CACNA1E: variants seen among roughly 807,000 people sequenced by gnomAD.
The protein encoded by CACNA1E is voltage-dependent R-type calcium channel subunit alpha-1E.
A neutral mutation model predicts 259.2 loss-of-function variants in CACNA1E; 40 were observed. That is an observed-to-expected ratio of 0.15 (90% confidence interval 0.12 to 0.20). The LOEUF is 0.20. Among genes scored for constraint, CACNA1E ranks in the 10% least tolerant of loss-of-function variants. The probability of loss-of-function intolerance (pLI) is 1.00; values close to 1 mark genes in which losing one functional copy is unlikely to be tolerated. For missense variants in CACNA1E, 1,874 were observed against 3,040.1 expected, an observed-to-expected ratio of 0.62 and a Z score of 9.02; for synonymous variants, 1,104 against 1,138.5, an observed-to-expected ratio of 0.97 and a Z score of 0.61.
At chr1:181,479,888 C>T (rs181589542), upstream of CACNA1E, among the ~76,000 whole-genome samples, 3 of 152,158 alleles carry the variant, frequency 2.0e-5, no homozygotes, top group East Asian at 1.9e-4. Context: ...TGTCAAGGGT[C>T]GTGATACATG....
At chr1:181,513,972 T>G (rs1666358079) in intron 3 of CACNA1E, among the ~76,000 whole-genome samples, 2 of 152,182 alleles carry the variant, frequency 1.3e-5, no homozygotes. Flanking sequence ...CTCCTGCTCC[T>G]CCTCCAGACC....
At position 181,720,998 on chromosome 1, in the gene CACNA1E, G is replaced by A. The variant is rs541825990; in HGVS notation, c.1956+143G>A. ...ATTGAGGCACTCTTTCTAGTTGAGCGGTCATTACTACAATAATCCCTAGAA... is the reference window on the plus strand; with the variant it reads ...ATTGAGGCACTCTTTCTAGTTGAGCAGTCATTACTACAATAATCCCTAGAA... On this transcript the variant is annotated intron_variant, in intron 15 of 47. Transcript: ENST00000367573. The A allele has an allele frequency of 2.0e-4, 128 of 631,624 alleles. 1 individual carries two copies. Among genetic ancestry groups the A allele is most frequent in the African/African-American group, 1.7e-3 (91 of 54,330 alleles). 39.1% of individuals were successfully genotyped at this position (631,624 alleles called of 1,614,324 possible). A position where few individuals can be genotyped will look rare whatever the true frequency, so the allele number is the denominator to read the frequency against.
intron 3 of CACNA1E, among the ~76,000 whole-genome samples, chr1:181,555,864 G>C (rs542628967): frequency 2.0e-5 from 3 of 152,342 alleles, no homozygotes; most frequent in African/African-American, 7.2e-5. Flanking sequence ...CTGCTAGTCT[G>C]AAAGGCATGC....
intron 6 of CACNA1E, among the ~76,000 whole-genome samples, chr1:181,609,010 C>T (rs1654493402): frequency 6.6e-6 from 1 of 152,186 alleles, no homozygotes; most frequent in African/African-American, 2.4e-5. Flanking sequence ...TGGCCACACC[C>T]AGAGCTGGGC....
intron 1 of CACNA1E, among the ~76,000 whole-genome samples, chr1:181,360,624 A>C (rs1463953461): frequency 6.6e-6 from 1 of 152,150 alleles, no homozygotes; most frequent in Non-Finnish European, 1.5e-5. Context: ...GCTTTCTTTT[A>C]GAGGGTGAGG....
At chr1:181,383,685 C>T (rs190192268) in intron 1 of CACNA1E, among the ~76,000 whole-genome samples, 1 of 152,344 alleles carries the variant, frequency 6.6e-6, no homozygotes, top group East Asian at 1.9e-4. Context: ...CTAGAATATA[C>T]TGTGGCAGAA....
chr1:181,644,812 AT>A lies in CACNA1E; in HGVS notation c.952-6524del, dbSNP rs1203975888. Among the ~76,000 whole-genome samples the A allele has an allele frequency of 5.3e-5, 8 of 152,278 alleles. No homozygotes were observed. In the South Asian group the frequency reaches 1.2e-3, roughly 24 times the overall value. ...CCAAAGTGTGAATTCCACCACAGCAATTGTCTTACCCAGTGGCAAAAGGGCC... is the reference window on the plus strand; with the variant it reads ...CCAAAGTGTGAATTCCACCACAGCAATGTCTTACCCAGTGGCAAAAGGGCC... On this transcript the variant is annotated intron_variant, in intron 6 of 47. Transcript: ENST00000367573.
chr1:181,524,596 T>G (rs893795485), intron 3 of CACNA1E, among the ~76,000 whole-genome samples: 1 of 152,226 alleles, frequency 6.6e-6, no homozygotes, highest in African/African-American at 2.4e-5. Flanking sequence ...CTCCACTTGG[T>G]GAGGTAGAGA....
At chr1:181,703,539 A>T (rs1281217467) in intron 7 of CACNA1E, among the ~76,000 whole-genome samples, 1 of 152,200 alleles carries the variant, frequency 6.6e-6, no homozygotes, top group East Asian at 1.9e-4. Flanking sequence ...TATCTCCCTT[A>T]CATTAATTGT....
intron 3 of CACNA1E, among the ~76,000 whole-genome samples, chr1:181,564,700 A>G (rs1649648048): frequency 6.6e-6 from 1 of 152,174 alleles, no homozygotes; most frequent in Non-Finnish European, 1.5e-5. Context: ...AGGAATCATG[A>G]TCTATGGCAG....
intron 1 of CACNA1E, among the ~76,000 whole-genome samples, chr1:181,365,156 T>C (rs1329194312): frequency 6.6e-6 from 1 of 152,124 alleles, no homozygotes; most frequent in African/African-American, 2.4e-5. Context: ...AGGATGGCAA[T>C]CCTAGCTTTT....
chr1:181,569,427 C>A (rs1650183178), intron 3 of CACNA1E, among the ~76,000 whole-genome samples: 1 of 150,526 alleles, frequency 6.6e-6, no homozygotes, highest in African/African-American at 2.5e-5. Context: ...GATATATTTC[C>A]TTGGTCAAGT....
chr1:181,727,140 A>G (rs1016601905), intron 18 of CACNA1E, among the ~76,000 whole-genome samples: 5 of 152,168 alleles, frequency 3.3e-5, no homozygotes, highest in African/African-American at 9.7e-5. Context: ...CAGAATTAAA[A>G]CAATGATTGG....
intron 47 of CACNA1E, among the ~76,000 whole-genome samples, chr1:181,797,500 C>T (rs1339562907): frequency 1.3e-5 from 2 of 152,212 alleles, no homozygotes; most frequent in Non-Finnish European, 2.9e-5. Context: ...TTTAGAGACA[C>T]AGCAGTCGAG....
intron 7 of CACNA1E, among the ~76,000 whole-genome samples, chr1:181,694,739 A>G (rs541468175): frequency 1.3e-4 from 20 of 152,296 alleles, no homozygotes; most frequent in African/African-American, 4.8e-4. Flanking sequence ...ATAGCTTGGG[A>G]CAGGCATCTA....
At chr1:181,754,125 G>A (rs981797999) in intron 27 of CACNA1E, among the ~76,000 whole-genome samples, 7 of 152,214 alleles carry the variant, frequency 4.6e-5, no homozygotes, top group African/African-American at 1.4e-4. Context: ...TATTGTCAGT[G>A]ATCCTGCAGG....
intron 3 of CACNA1E, among the ~76,000 whole-genome samples, chr1:181,523,452 A>G (rs143098774): frequency 1.3e-5 from 2 of 152,354 alleles, no homozygotes; most frequent in Non-Finnish European, 2.9e-5. Context: ...AATTTATTCA[A>G]TATAGCATAG....
rs1234925986 is a variant in CACNA1E, at chr1:181,751,940, C to G, written c.3732-203C>G. On this transcript the variant is annotated intron_variant, in intron 26 of 47. Coordinates refer to ENST00000367573, the MANE Select transcript of CACNA1E (RefSeq NM_001205293.3). ...GTGGATGTGTGTTCATGCGTGCACA[C>G]TGGGAAGTGATTTGAGAATATTCCT... is the stretch of plus-strand genomic sequence containing the variant. 5 of 686,590 alleles carry G rather than the reference C, an allele frequency of 7.3e-6. No homozygotes were observed. In the East Asian group the frequency reaches 1.1e-4, roughly 15 times the overall value. The allele number at this position is 686,590 out of a possible 1,614,324, so 42.5% of individuals were successfully genotyped here. A position where few individuals can be genotyped will look rare whatever the true frequency, so the allele number is the denominator to read the frequency against.
intron 6 of CACNA1E, among the ~76,000 whole-genome samples, chr1:181,625,558 T>C (rs1308974046): frequency 6.6e-6 from 1 of 152,194 alleles, no homozygotes; most frequent in African/African-American, 2.4e-5. Context: ...TCTGCTAGTT[T>C]CCAACTTCTG....
Sources: allele counts gnomAD v4.1 joint callset (sites outside exome capture counted in the v4.1 genomes callset), GRCh38; gene constraint gnomAD v4.1.1; transcripts MANE v1.5; gene names NCBI Gene and HGNC (gene_info 2026-07-23, HGNC 2026-07-21).